Variants in STAU2 observed in about 807,000 individuals in gnomAD.
The protein encoded by STAU2 is staufen double-stranded RNA binding protein 2, also known as double-stranded RNA-binding protein Staufen homolog 2.
A neutral mutation model predicts 65.9 loss-of-function variants in STAU2; 20 were observed. The ratio of observed to expected loss-of-function variants is 0.30; its 90% CI spans 0.21 to 0.44. STAU2 has a LOEUF of 0.44. Ranked by LOEUF, STAU2 falls within the 20% of genes least tolerant of loss-of-function variation. The probability of loss-of-function intolerance (pLI) is 1.00; values close to 1 mark genes in which losing one functional copy is unlikely to be tolerated. For missense variants in STAU2, 558 were observed against 683.9 expected (o/e 0.82, Z 2.05); for synonymous variants, 232 against 233.9 (o/e 0.99, Z 0.07).
intron 12 of STAU2, among the ~76,000 whole-genome samples, chr8:73,571,004 T>A (rs974009750): frequency 1.3e-5 from 2 of 151,952 alleles, no homozygotes; most frequent in African/African-American, 2.4e-5. Flanking sequence ...GAGACCCATC[T>A]CACATGCAGA....
chr8:73,738,355 A>G lies in STAU2; in HGVS notation c.-83-6T>C, dbSNP rs1440788012. Reference sequence around the variant, plus strand: ...ATCCCTCACGGCTCCAAAAACTGGAAAACGAAAATGAAGAAATAAAGTTCA... The same window carrying G: ...ATCCCTCACGGCTCCAAAAACTGGAGAACGAAAATGAAGAAATAAAGTTCA... On this transcript the variant is annotated splice_region_variant and splice_polypyrimidine_tract_variant and intron_variant, in intron 2 of 14. Transcript: ENST00000524300. 6.3e-7 allele frequency: 1 copy of G among 1,575,374 alleles called. No homozygotes were observed. The highest frequency in any genetic ancestry group is 1.4e-5 in the African/African-American group (1 of 72,384).
At chr8:73,746,338 C>T (rs942245702) in intron 1 of STAU2, among the ~76,000 whole-genome samples, 2 of 151,798 alleles carry the variant, frequency 1.3e-5, no homozygotes, top group Admixed American at 6.6e-5. Flanking sequence ...CTCCCTCTCC[C>T]TCGCAGCCAC....
In STAU2 at chr8:73,649,416, A is replaced by G. The variant is rs550804774; in HGVS notation, c.410+23691T>C. Reference sequence around the variant, plus strand: ...CTCAACACAGAGGTCCAGGTTGCCGACCCTGATCTTTGCAATTTTCTAGAA... The same window carrying G: ...CTCAACACAGAGGTCCAGGTTGCCGGCCCTGATCTTTGCAATTTTCTAGAA... On this transcript the variant is annotated intron_variant, in intron 6 of 14. Coordinates refer to ENST00000524300, the MANE Select transcript of STAU2 (RefSeq NM_001164380.2). Among the ~76,000 whole-genome samples the G allele has an allele frequency of 4.0e-4, 61 of 152,194 alleles. 1 individual carries two copies. In the East Asian group the frequency reaches 9.5e-3, roughly 24 times the overall value.
At chr8:73,424,347 T>A (rs989917769) in intron 13 of STAU2, among the ~76,000 whole-genome samples, 6 of 151,826 alleles carry the variant, frequency 4.0e-5, no homozygotes, top group African/African-American at 1.5e-4. Flanking sequence ...ACTGCAGGCC[T>A]GCACCACCAC....
chr8:73,565,850 T>A (rs781089816), intron 12 of STAU2, among the ~76,000 whole-genome samples: 22 of 152,374 alleles, frequency 1.4e-4, no homozygotes, highest in Non-Finnish European at 2.4e-4. Flanking sequence ...CTTGTTTATA[T>A]CAATCAGCCT....
At chr8:73,575,820 A>AC (rs1809499374) in intron 12 of STAU2, among the ~76,000 whole-genome samples, 1 of 13,904 alleles carries the variant, frequency 7.2e-5, no homozygotes, top group Non-Finnish European at 1.1e-4. Flanking sequence ...CAATACACAC[A>AC]CAAAAAACCA....
At position 73,429,413 on chromosome 8, in the gene STAU2, C is replaced by CTTTTTTTTTTTTTTTTT. The variant is rs71561522; in HGVS notation, c.1531-6728_1531-6712dup. ...AACCAATCTATATTCTTGCTCAGGT[C>CTTTTTTTTTTTTTTTTT]TTTTTTTTTTTTTTTTTTTTTTTTT... On this transcript the variant is annotated intron_variant, in intron 13 of 14. Transcript: ENST00000524300. Among the ~76,000 whole-genome samples, 7 of 65,370 alleles carry CTTTTTTTTTTTTTTTTT rather than the reference C, an allele frequency of 1.1e-4. 3 individuals are homozygous for CTTTTTTTTTTTTTTTTT. Among genetic ancestry groups the CTTTTTTTTTTTTTTTTT allele is most frequent in the Non-Finnish European group, 2.5e-4 (7 of 28,528 alleles). 42.9% of individuals were successfully genotyped at this position (65,370 alleles called of 152,430 possible).
At chr8:73,426,822 C>T (rs979018788) in intron 13 of STAU2, among the ~76,000 whole-genome samples, 1 of 152,064 alleles carries the variant, frequency 6.6e-6, no homozygotes. Context: ...AACACTGCAT[C>T]AAATTTCCTA....
intron 12 of STAU2, among the ~76,000 whole-genome samples, chr8:73,578,979 C>A: frequency 6.9e-6 from 1 of 143,998 alleles, no homozygotes. Flanking sequence ...TATCTCCCAC[C>A]CCTACCCACC....
chr8:73,471,879 G>A (rs893899240), intron 13 of STAU2, among the ~76,000 whole-genome samples: 12 of 146,862 alleles, frequency 8.2e-5, no homozygotes, highest in African/African-American at 2.5e-4. Context: ...AGAAATTCAC[G>A]TTAAGACGTA....
intron 10 of STAU2, among the ~76,000 whole-genome samples, chr8:73,603,276 C>T (rs1446785540): frequency 2.0e-5 from 3 of 152,100 alleles, no homozygotes; most frequent in African/African-American, 4.8e-5. Flanking sequence ...GTGCCTCAGC[C>T]CCCACCATGG....
chr8:73,424,013 T>C (rs911041088), intron 13 of STAU2, among the ~76,000 whole-genome samples: 5 of 152,102 alleles, frequency 3.3e-5, no homozygotes, highest in Non-Finnish European at 7.4e-5. Flanking sequence ...TATAAAATAG[T>C]TCCACAGCCC....
chr8:73,666,971 A>T (rs922441791), intron 6 of STAU2, among the ~76,000 whole-genome samples: 2 of 152,144 alleles, frequency 1.3e-5, no homozygotes, highest in Non-Finnish European at 2.9e-5. Context: ...TGATAAAATG[A>T]CTCCTAAATA....
chr8:73,626,185 A>G (rs1213681685), intron 6 of STAU2, among the ~76,000 whole-genome samples: 2 of 152,176 alleles, frequency 1.3e-5, no homozygotes, highest in African/African-American at 4.8e-5. Context: ...GGGCTCCTTT[A>G]GGAGGTGACA....
At chr8:73,433,421 G>A (rs1236374753) in intron 13 of STAU2, among the ~76,000 whole-genome samples, 2 of 151,000 alleles carry the variant, frequency 1.3e-5, no homozygotes, top group Admixed American at 1.3e-4. Context: ...GGCCAGGATG[G>A]TCTCGATCTC....
intron 11 of STAU2, among the ~76,000 whole-genome samples, chr8:73,585,361 T>C (rs911407994): frequency 6.6e-6 from 1 of 152,112 alleles, no homozygotes; most frequent in African/African-American, 2.4e-5. Context: ...ATGCCGGTAA[T>C]CCCAGATACT....
At chr8:73,467,694 C>T (rs1477600871) in intron 13 of STAU2, among the ~76,000 whole-genome samples, 1 of 152,084 alleles carries the variant, frequency 6.6e-6, no homozygotes, top group Admixed American at 6.5e-5. Flanking sequence ...TAGAGCCAGA[C>T]AAGAAGCCGT....
intron 13 of STAU2, among the ~76,000 whole-genome samples, chr8:73,513,644 A>G (rs933698658): frequency 2.0e-5 from 3 of 151,986 alleles, no homozygotes; most frequent in Non-Finnish European, 4.4e-5. Context: ...CATTTTCCCA[A>G]ATCTCCCTGA....
intron 4 of STAU2, among the ~76,000 whole-genome samples, chr8:73,689,905 G>A (rs573831577): frequency 6.6e-6 from 1 of 151,338 alleles, no homozygotes; most frequent in Admixed American, 6.6e-5. Context: ...TGTTTAATCT[G>A]AATCTAATCA....
Sources: allele counts gnomAD v4.1 joint callset (sites outside exome capture counted in the v4.1 genomes callset), GRCh38; gene constraint gnomAD v4.1.1; transcripts MANE v1.5; gene names NCBI Gene and HGNC (gene_info 2026-07-23, HGNC 2026-07-21).